The following COG5 variants were observed in gnomAD, a reference collection of about 807,000 sequenced individuals.
The protein encoded by COG5 is conserved oligomeric Golgi complex subunit 5.
COG5 carries 86 observed loss-of-function variants against 110.4 expected under a neutral mutation model. That is an observed-to-expected ratio of 0.78 (90% CI 0.65 to 0.93). The LOEUF is 0.93. Ranked by LOEUF, COG5 falls within the 40% of genes least tolerant of loss-of-function variation. The pLI is 0.00. For synonymous variants in COG5, 360 were observed against 334.6 expected (o/e 1.08, Z -0.83); for missense variants, 1,077 against 987.0 (o/e 1.09, Z -1.22).
intron 6 of COG5, among the ~76,000 whole-genome samples, chr7:107,434,256 T>C (rs992027679): frequency 2.0e-5 from 3 of 152,144 alleles, no homozygotes; most frequent in African/African-American, 4.8e-5. Flanking sequence ...GAAAACCATA[T>C]AGACCTTCCT....
chr7:107,255,794 A>C (rs1215478013), intron 16 of COG5, among the ~76,000 whole-genome samples: 1 of 152,146 alleles, frequency 6.6e-6, no homozygotes, highest in Admixed American at 6.6e-5. Flanking sequence ...ATTCATATAC[A>C]GGTAGTTTGG....
chr7:107,495,240 G>A (rs1798204153), intron 6 of COG5, among the ~76,000 whole-genome samples: 1 of 152,182 alleles, frequency 6.6e-6, no homozygotes, highest in Non-Finnish European at 1.5e-5. Context: ...GGAAAAAGAG[G>A]TAAGGGCCAT....
chr7:107,280,362 A>T (rs1805066623), intron 14 of COG5, among the ~76,000 whole-genome samples: 2 of 152,096 alleles, frequency 1.3e-5, no homozygotes, highest in African/African-American at 4.8e-5. Flanking sequence ...GCCTCGTAAC[A>T]TGACTGTTAC....
chr7:107,514,834 T>A (rs1222978754), intron 6 of COG5, among the ~76,000 whole-genome samples: 1 of 152,234 alleles, frequency 6.6e-6, no homozygotes, highest in African/African-American at 2.4e-5. Context: ...GACCAAAGTT[T>A]TTTTTATTGT....
At chr7:107,358,071 A>G (rs1253068172) in intron 10 of COG5, among the ~76,000 whole-genome samples, 1 of 151,918 alleles carries the variant, frequency 6.6e-6, no homozygotes, top group African/African-American at 2.4e-5. Context: ...TAGAAACTCT[A>G]CCCAATGTAA....
At chr7:107,410,411 A>T (rs906239932) in intron 7 of COG5, among the ~76,000 whole-genome samples, 1 of 152,132 alleles carries the variant, frequency 6.6e-6, no homozygotes, top group Admixed American at 6.6e-5. Context: ...AAAGACATTT[A>T]TGCTGTAGAT....
chr7:107,422,322 T>A lies in COG5; in HGVS notation c.539-9690A>T, dbSNP rs1280730602. The stretch of plus-strand genomic sequence containing the variant: ...TGATTTTTAAGTTTTTGTTTACATT[T>A]TATTTCTTGAGGCCAACATGGTGAA... On this transcript the variant is annotated intron_variant, in intron 6 of 21. Coordinates refer to ENST00000297135, the MANE Select transcript of COG5 (RefSeq NM_006348.5). Among the ~76,000 whole-genome samples the A allele has an allele frequency of 3.9e-5, 6 of 152,148 alleles. No homozygotes were observed. The South Asian group carries it at 1.2e-3, about 32-fold the overall frequency.
At chr7:107,258,814 G>A (rs974969888) in intron 14 of COG5, among the ~76,000 whole-genome samples, 1 of 151,980 alleles carries the variant, frequency 6.6e-6, no homozygotes, top group Admixed American at 6.6e-5. Flanking sequence ...AAAAAAGGGA[G>A]GAGGAAAGGA....
intron 12 of COG5, among the ~76,000 whole-genome samples, chr7:107,297,864 T>C (rs1046826100): frequency 1.3e-5 from 2 of 152,156 alleles, no homozygotes; most frequent in Admixed American, 6.5e-5. Context: ...TAAAATACAA[T>C]GACCACAGCA....
intron 10 of COG5, among the ~76,000 whole-genome samples, chr7:107,336,477 T>G (rs1409684001): frequency 4.6e-5 from 7 of 152,258 alleles, no homozygotes; most frequent in Admixed American, 6.5e-5. Flanking sequence ...GTTCGATAGA[T>G]CAGCAGGGTG....
intron 10 of COG5, among the ~76,000 whole-genome samples, chr7:107,340,490 C>T (rs559591240): frequency 5.1e-4 from 77 of 151,982 alleles, no homozygotes; most frequent in African/African-American, 1.8e-3. Flanking sequence ...TCCCCCAATC[C>T]CCCTAAAAAA....
intron 16 of COG5, among the ~76,000 whole-genome samples, chr7:107,251,017 T>A (rs375096559): frequency 6.6e-6 from 1 of 151,692 alleles, no homozygotes; most frequent in East Asian, 1.9e-4. Context: ...AAAGCATGAA[T>A]TTACAGATTC....
At chr7:107,309,992 C>A (rs551340248) in intron 11 of COG5, among the ~76,000 whole-genome samples, 1 of 152,168 alleles carries the variant, frequency 6.6e-6, no homozygotes, top group South Asian at 2.1e-4. Context: ...ATTTATGTCA[C>A]CTCTTTCTTA....
In COG5 at chr7:107,405,869, TACC is replaced by T. The variant is rs1421974884; in HGVS notation, c.669+6630_669+6632del. On this transcript the variant is annotated intron_variant, in intron 7 of 21. Coordinates refer to ENST00000297135, the MANE Select transcript of COG5 (RefSeq NM_006348.5). Reference sequence around the variant, plus strand: ...AGCTTGAGGGTGCCTTTGCTCCTTCTACCACATGAGGACACATCAAGAGGGCAT... The same window carrying T: ...AGCTTGAGGGTGCCTTTGCTCCTTCTACATGAGGACACATCAAGAGGGCAT... Among the ~76,000 whole-genome samples, 15 of 152,280 alleles carry T rather than the reference TACC, an allele frequency of 9.9e-5. No homozygotes were observed. The East Asian group carries it at 2.9e-3, about 29-fold the overall frequency.
At chr7:107,304,700 T>C (rs1445541199) in intron 11 of COG5, among the ~76,000 whole-genome samples, 2 of 152,228 alleles carry the variant, frequency 1.3e-5, no homozygotes, top group Admixed American at 1.3e-4. Flanking sequence ...TGACGCTGCT[T>C]CTCCTGCATC....
intron 3 of COG5, among the ~76,000 whole-genome samples, chr7:107,552,240 T>C (rs1244277125): frequency 6.6e-6 from 1 of 152,204 alleles, no homozygotes; most frequent in African/African-American, 2.4e-5. Flanking sequence ...CATTAAAATA[T>C]TACATGCTCT....
chr7:107,383,383 G>C (rs1366549273), intron 7 of COG5, among the ~76,000 whole-genome samples: 1 of 152,154 alleles, frequency 6.6e-6, no homozygotes, highest in African/African-American at 2.4e-5. Flanking sequence ...GCAGGTGAGC[G>C]TGGCTCATTC....
chr7:107,437,206 T>C (rs541823397), intron 6 of COG5, among the ~76,000 whole-genome samples: 1 of 152,288 alleles, frequency 6.6e-6, no homozygotes, highest in South Asian at 2.1e-4. Context: ...GTGTAAGGCA[T>C]TATAACACAT....
At chr7:107,534,789 G>A (rs1196017889) in intron 5 of COG5, among the ~76,000 whole-genome samples, 1 of 151,460 alleles carries the variant, frequency 6.6e-6, no homozygotes, top group East Asian at 1.9e-4. Context: ...GGATATTCAG[G>A]ACTTGAACTC....
Sources: allele counts gnomAD v4.1 joint callset (sites outside exome capture counted in the v4.1 genomes callset), GRCh38; gene constraint gnomAD v4.1.1; transcripts MANE v1.5; gene names NCBI Gene and HGNC (gene_info 2026-07-23, HGNC 2026-07-21).